PXDNL: variants seen among roughly 807,000 people sequenced by gnomAD.
PXDNL encodes the protein probable oxidoreductase PXDNL.
Under a neutral mutation model 150.8 loss-of-function variants are expected in PXDNL, and 145 were observed. The observed-to-expected ratio is 0.96, with a 90% CI of 0.84 to 1.10. The LOEUF is 1.10. PXDNL is among the 50% of genes least tolerant of loss of function. The pLI is 0.00. For missense variants in PXDNL, 2,087 were observed against 1,873.9 expected (o/e 1.11, Z -2.10); for synonymous variants, 757 against 725.7 (o/e 1.04, Z -0.69).
At chr8:51,752,551 GCT>G (rs2037056972) in intron 1 of PXDNL, among the ~76,000 whole-genome samples, 1 of 152,038 alleles carries the variant, frequency 6.6e-6, no homozygotes, top group Admixed American at 6.6e-5. Flanking sequence ...CCACAGAAGG[GCT>G]ATTTAATACA....
intron 4 of PXDNL, among the ~76,000 whole-genome samples, chr8:51,556,582 C>A (rs569503751): frequency 6.6e-6 from 1 of 152,126 alleles, no homozygotes; most frequent in Non-Finnish European, 1.5e-5. Context: ...CAAAGGTTCA[C>A]GGAGGGTAAG....
chr8:51,643,080 G>A (rs1369928504), intron 2 of PXDNL, among the ~76,000 whole-genome samples: 2 of 152,232 alleles, frequency 1.3e-5, no homozygotes, highest in East Asian at 1.9e-4. Context: ...ATGCTCATGG[G>A]TAGGAAGAAT....
chr8:51,641,813 C>G (rs1299592689), intron 2 of PXDNL, among the ~76,000 whole-genome samples: 4 of 152,034 alleles, frequency 2.6e-5, no homozygotes, highest in Admixed American at 2.0e-4. Context: ...CCTCAGGGAT[C>G]TAGAACTAGA....
At chr8:51,403,712 C>T (rs1808341423) in intron 17 of PXDNL, among the ~76,000 whole-genome samples, 1 of 152,312 alleles carries the variant, frequency 6.6e-6, no homozygotes, top group South Asian at 2.1e-4. Context: ...TTCCGCACCG[C>T]TATGATCTAA....
chr8:51,511,924 C>T (rs1243504173), intron 4 of PXDNL, among the ~76,000 whole-genome samples: 2 of 152,116 alleles, frequency 1.3e-5, no homozygotes, highest in Admixed American at 6.5e-5. Context: ...ACCTGAATGC[C>T]CCCATCATCC....
In PXDNL at chr8:51,426,670, T is replaced by C. The variant is rs1211211606; in HGVS notation, c.1614A>G (p.Pro538=). The change falls in exon 13 of 23, where the codon CCA becomes CCG. Residue 538 remains proline, a synonymous_variant. Coordinates refer to ENST00000356297, the MANE Select transcript of PXDNL (RefSeq NM_144651.5). ...CCTTATTCCAAGTAATTATGGGCTG[T>C]GGTTCTCCTTGAGCATGACATGAAA... is the stretch of plus-strand genomic sequence containing the variant. ...INISCHAQGE[P]QPIITWNKEG... is the part of the protein sequence containing the mutation. The C allele has an allele frequency of 1.2e-6, 2 of 1,601,882 alleles. No homozygotes were observed. Among genetic ancestry groups the C allele is most frequent in the East Asian group, 2.2e-5 (1 of 44,796 alleles).
At chr8:51,591,708 T>G (rs920504884) in intron 3 of PXDNL, among the ~76,000 whole-genome samples, 1 of 151,992 alleles carries the variant, frequency 6.6e-6, no homozygotes, top group Non-Finnish European at 1.5e-5. Flanking sequence ...AAGCTCCGCC[T>G]CCTGGGTTCA....
At chr8:51,567,825 C>G (rs953544351) in intron 3 of PXDNL, among the ~76,000 whole-genome samples, 1 of 151,694 alleles carries the variant, frequency 6.6e-6, no homozygotes, top group Admixed American at 6.6e-5. Context: ...TGCACATCCT[C>G]CTATATACCC....
intron 4 of PXDNL, among the ~76,000 whole-genome samples, chr8:51,540,792 A>G (rs768730961): frequency 2.6e-5 from 4 of 152,186 alleles, no homozygotes; most frequent in Non-Finnish European, 4.4e-5. Flanking sequence ...TCTATCAGTT[A>G]CTAAAAGAGG....
At chr8:51,652,036 C>G (rs1485345179) in intron 2 of PXDNL, among the ~76,000 whole-genome samples, 1 of 152,146 alleles carries the variant, frequency 6.6e-6, no homozygotes, top group African/African-American at 2.4e-5. Context: ...AAAACCCTCT[C>G]TTTTACAATA....
intron 1 of PXDNL, among the ~76,000 whole-genome samples, chr8:51,754,696 G>C (rs575653411): frequency 3.9e-5 from 6 of 151,974 alleles, no homozygotes; most frequent in African/African-American, 1.2e-4. Context: ...GTAGAGATAC[G>C]GTTTCACCGT....
intron 1 of PXDNL, among the ~76,000 whole-genome samples, chr8:51,675,237 G>A (rs911133554): frequency 1.3e-5 from 2 of 152,144 alleles, no homozygotes; most frequent in Non-Finnish European, 2.9e-5. Context: ...AAGAGGTGGG[G>A]CCTTTAAGAC....
At chr8:51,332,199 G>A (rs920804604) in intron 21 of PXDNL, among the ~76,000 whole-genome samples, 17 of 149,584 alleles carry the variant, frequency 1.1e-4, no homozygotes, top group African/African-American at 3.7e-4. Flanking sequence ...GTGTAGACTC[G>A]CTGGATGGCT....
intron 2 of PXDNL, among the ~76,000 whole-genome samples, chr8:51,614,757 C>T (rs1454001706): frequency 6.6e-6 from 1 of 151,744 alleles, no homozygotes; most frequent in Non-Finnish European, 1.5e-5. Flanking sequence ...TGACATAGTA[C>T]AAGAATTTAA....
chr8:51,335,550 C>G (rs1254492488), intron 21 of PXDNL, among the ~76,000 whole-genome samples: 1 of 152,040 alleles, frequency 6.6e-6, no homozygotes, highest in East Asian at 1.9e-4. Context: ...TTATTAAAAC[C>G]TCTCCTATTT....
chr8:51,623,619 C>T (rs557866818), intron 2 of PXDNL, among the ~76,000 whole-genome samples: 2 of 152,288 alleles, frequency 1.3e-5, no homozygotes, highest in Admixed American at 1.3e-4. Context: ...TCCACAGCAC[C>T]CAGCAGACCC....
At chr8:51,585,554 A>G (rs979913598) in intron 3 of PXDNL, among the ~76,000 whole-genome samples, 1 of 152,158 alleles carries the variant, frequency 6.6e-6, no homozygotes, top group African/African-American at 2.4e-5. Flanking sequence ...ATGGTTCCAT[A>G]TGTTTAACAA....
chr8:51,389,828 A>G (rs1349088929), intron 17 of PXDNL, among the ~76,000 whole-genome samples: 5 of 152,208 alleles, frequency 3.3e-5, no homozygotes, highest in African/African-American at 1.2e-4. Flanking sequence ...TCAAACTGCC[A>G]GTGAAAAGAG....
At chr8:51,767,616 GT>G (rs1381488865) in intron 1 of PXDNL, among the ~76,000 whole-genome samples, 2 of 152,072 alleles carry the variant, frequency 1.3e-5, no homozygotes, top group South Asian at 2.1e-4. Context: ...TTCACTTCCT[GT>G]TTTGCAGGGC....
Sources: allele counts gnomAD v4.1 joint callset (sites outside exome capture counted in the v4.1 genomes callset), GRCh38; gene constraint gnomAD v4.1.1; transcripts MANE v1.5; gene names NCBI Gene and HGNC (gene_info 2026-07-23, HGNC 2026-07-21).